Variants in CHRNB4 observed in about 807,000 individuals in gnomAD.
CHRNB4 encodes neuronal acetylcholine receptor subunit beta-4.
Under a neutral mutation model 40.4 loss-of-function variants are expected in CHRNB4, and 23 were observed. The observed-to-expected ratio is 0.57, with a 90% CI of 0.41 to 0.81. The LOEUF (loss-of-function observed/expected upper bound fraction) is 0.81, where lower values mean the gene tolerates loss of function less well. Ranked by LOEUF, CHRNB4 falls within the 30% of genes least tolerant of loss-of-function variation. The pLI is 0.00. For synonymous variants in CHRNB4, 285 were observed against 274.4 expected (o/e 1.04, Z -0.38); for missense variants, 568 against 670.6 (o/e 0.85, Z 1.69).
chr15:78,645,623 A>G (rs1236371887), upstream of CHRNB4, among the ~76,000 whole-genome samples: 1 of 151,926 alleles, frequency 6.6e-6, no homozygotes, highest in African/African-American at 2.4e-5. Flanking sequence ...TGTACCATCT[A>G]TTGACTTTCT....
intron 1 of CHRNB4, among the ~76,000 whole-genome samples, chr15:78,638,724 A>C (rs1365198191): frequency 6.6e-6 from 1 of 152,212 alleles, no homozygotes; most frequent in Non-Finnish European, 1.5e-5. Flanking sequence ...GACGGAGCCC[A>C]GCCCAGCCCA....
intron 7 of CHRNB4, chr15:78,649,353 G>A (rs778344269): frequency 6.9e-5 from 31 of 446,066 alleles, no homozygotes; most frequent in East Asian, 5.7e-4. Flanking sequence ...ACAAGAACAC[G>A]GAGGAATGAA....
At chr15:78,634,052 A>G (rs2053893275) in intron 2 of CHRNB4, among the ~76,000 whole-genome samples, 1 of 152,088 alleles carries the variant, frequency 6.6e-6, no homozygotes, top group Non-Finnish European at 1.5e-5. Flanking sequence ...GCTCTCTAAA[A>G]ATTTCCATCT....
At chr15:78,654,944 GT>G (rs758268310) in intron 5 of CHRNB4, among the ~76,000 whole-genome samples, 6 of 152,042 alleles carry the variant, frequency 3.9e-5, no homozygotes, top group East Asian at 1.9e-4. Context: ...GGTTTTAAGA[GT>G]TTCCCCCCAC....
upstream of CHRNB4, among the ~76,000 whole-genome samples, chr15:78,643,481 A>C (rs1414395008): frequency 6.6e-6 from 1 of 152,192 alleles, no homozygotes; most frequent in Non-Finnish European, 1.5e-5. Flanking sequence ...TTTCCATCAA[A>C]GTTAGGACGT....
upstream of CHRNB4, among the ~76,000 whole-genome samples, chr15:78,642,841 A>G (rs535474494): frequency 8.5e-5 from 13 of 152,330 alleles, no homozygotes; most frequent in African/African-American, 3.1e-4. Flanking sequence ...AATCTGAATT[A>G]TGGGTCTTTG....
chr15:78,654,745 G>C (rs1228986262), intron 5 of CHRNB4, among the ~76,000 whole-genome samples: 1 of 152,096 alleles, frequency 6.6e-6, no homozygotes, highest in African/African-American at 2.4e-5. Flanking sequence ...TATATGTATA[G>C]AATAGTTCAC....
intron 1 of CHRNB4, among the ~76,000 whole-genome samples, chr15:78,658,990 C>T (rs1861019418): frequency 6.6e-6 from 1 of 152,228 alleles, no homozygotes; most frequent in Admixed American, 6.5e-5. Flanking sequence ...ATCTTTATTA[C>T]TTTATTCACA....
At chr15:78,632,697 T>C (rs1388496436) in intron 2 of CHRNB4, among the ~76,000 whole-genome samples, 1 of 152,064 alleles carries the variant, frequency 6.6e-6, no homozygotes, top group Non-Finnish European at 1.5e-5. Context: ...TAGAATCTAA[T>C]GGCTATGAGA....
At chr15:78,637,897 T>C (rs1364464177) in intron 1 of CHRNB4, among the ~76,000 whole-genome samples, 2 of 152,174 alleles carry the variant, frequency 1.3e-5, no homozygotes, top group Non-Finnish European at 2.9e-5. Flanking sequence ...CTGCTTCTTA[T>C]ATCCAGGACC....
At chr15:78,627,947 C>T (rs1160836273) in intron 5 of CHRNB4, 1 of 152,202 alleles carries the variant, frequency 6.6e-6, no homozygotes, top group Admixed American at 6.5e-5. Flanking sequence ...GGGCAGATCA[C>T]CTGAAGTCAG....
At chr15:78,651,630 C>T (rs2054173106) in intron 6 of CHRNB4, among the ~76,000 whole-genome samples, 1 of 152,230 alleles carries the variant, frequency 6.6e-6, no homozygotes, top group South Asian at 2.1e-4. Context: ...CCCAGCCCCT[C>T]CACAATCATG....
Position 78,624,969 on chromosome 15 carries a change from C to T in CHRNB4, c.*164G>A, listed in dbSNP as rs1175572387. ...CTCCAAGGCATTCAGAGAGGACAGCCCAGGCCCCCATCCTTGCCTGTTCCA... is the reference window on the plus strand; with the variant it reads ...CTCCAAGGCATTCAGAGAGGACAGCTCAGGCCCCCATCCTTGCCTGTTCCA... On this transcript the variant is annotated 3_prime_UTR_variant, in exon 6 of 6. Coordinates refer to ENST00000261751, the MANE Select transcript of CHRNB4 (RefSeq NM_000750.5). 2 of 1,553,314 alleles carry T rather than the reference C, an allele frequency of 1.3e-6. No homozygotes were observed. Among genetic ancestry groups the T allele is most frequent in the East Asian group, 2.4e-5 (1 of 42,178 alleles).
chr15:78,648,559 GC>G (rs893255654), intron 7 of CHRNB4, among the ~76,000 whole-genome samples: 7 of 151,396 alleles, frequency 4.6e-5, no homozygotes, highest in Non-Finnish European at 8.8e-5. Context: ...TTCGAGACCA[GC>G]CTGGCCAACA....
At chr15:78,651,452 T>C (rs1423305942) in intron 6 of CHRNB4, among the ~76,000 whole-genome samples, 1 of 152,228 alleles carries the variant, frequency 6.6e-6, no homozygotes, top group Non-Finnish European at 1.5e-5. Flanking sequence ...AGGCATTTTG[T>C]GCAGATCCAC....
Position 78,625,090 on chromosome 15 carries a change from A to G in CHRNB4, c.*43T>C, listed in dbSNP as rs958310954. 3 of 1,613,102 alleles carry G rather than the reference A, an allele frequency of 1.9e-6. No homozygotes were observed. The highest frequency in any genetic ancestry group is 3.3e-5 in the Admixed American group (2 of 60,024). On this transcript the variant is annotated 3_prime_UTR_variant, in exon 6 of 6. Coordinates refer to ENST00000261751, the MANE Select transcript of CHRNB4 (RefSeq NM_000750.5). ...CCCAGAAAGAAGCAGCAAAGTGCCCACCCGGCCACTCACATCCTCTCACCC... is the reference window on the plus strand; with the variant it reads ...CCCAGAAAGAAGCAGCAAAGTGCCCGCCCGGCCACTCACATCCTCTCACCC...
At position 78,632,222 on chromosome 15, in the gene CHRNB4, TCTCTCTCTCTCTCTCTCTCTCTC is replaced by T. The variant is rs2053842176; in HGVS notation, c.205-913_205-891del. On this transcript the variant is annotated intron_variant, in intron 2 of 5. Transcript: ENST00000261751. ...CTTTCTTTCTTTCTTTCTCTTTCTC[TCTCTCTCTCTCTCTCTCTCTCTC>T]TCTCTCTCTCTTTCTTTCTTTCTTT... Among the ~76,000 whole-genome samples, 84 of 88,946 alleles carry T rather than the reference TCTCTCTCTCTCTCTCTCTCTCTC, an allele frequency of 9.4e-4. 1 individual carries two copies. Among genetic ancestry groups the T allele is most frequent in the African/African-American group, 3.4e-3 (48 of 14,030 alleles). 58.4% of individuals were successfully genotyped at this position (88,946 alleles called of 152,430 possible).
At chr15:78,649,318 T>C (rs1325122916) in intron 7 of CHRNB4, 4 of 426,478 alleles carry the variant, frequency 9.4e-6, no homozygotes, top group East Asian at 7.6e-5. Flanking sequence ...GTAGTGAGAA[T>C]TGGAAACCAC....
At chr15:78,649,296 A>C (rs748950279) in intron 7 of CHRNB4, 10 of 376,440 alleles carry the variant, frequency 2.7e-5, no homozygotes, top group Middle Eastern at 3.6e-4. Context: ...TAATGCTCAT[A>C]GTCACCCTTG....
Sources: allele counts gnomAD v4.1 joint callset (sites outside exome capture counted in the v4.1 genomes callset), GRCh38; gene constraint gnomAD v4.1.1; transcripts MANE v1.5; gene names NCBI Gene and HGNC (gene_info 2026-07-23, HGNC 2026-07-21).